SORCS2: variants seen among roughly 807,000 people sequenced by gnomAD.
SORCS2 encodes sortilin related VPS10 domain containing receptor 2, also known as VPS10 domain-containing receptor SorCS2.
A neutral mutation model predicts 141.6 loss-of-function variants in SORCS2; 100 were observed. The observed-to-expected ratio is 0.71, with a 90% confidence interval of 0.60 to 0.83. The LOEUF (loss-of-function observed/expected upper bound fraction) is 0.83, where lower values mean the gene tolerates loss of function less well. Among genes scored for constraint, SORCS2 ranks in the 40% least tolerant of loss-of-function variants. The pLI is 0.00. For synonymous variants in SORCS2, 789 were observed against 676.9 expected (o/e 1.17, Z -2.57); for missense variants, 1,646 against 1,560.2 (o/e 1.05, Z -0.93).
chr4:7,423,599 G>T (rs1442866708), intron 2 of SORCS2, among the ~76,000 whole-genome samples: 1 of 152,160 alleles, frequency 6.6e-6, no homozygotes, highest in African/African-American at 2.4e-5. Context: ...CATTTCATTT[G>T]TCCTGTCTGA....
intron 1 of SORCS2, among the ~76,000 whole-genome samples, chr4:7,277,407 G>A (rs1715573963): frequency 6.6e-6 from 1 of 152,160 alleles, no homozygotes; most frequent in African/African-American, 2.4e-5. Context: ...TGTGTGTGCA[G>A]CTTCTCCTCA....
chr4:7,736,135 C>T (rs1461201482), intron 25 of SORCS2, among the ~76,000 whole-genome samples: 4 of 152,230 alleles, frequency 2.6e-5, no homozygotes, highest in African/African-American at 7.2e-5. Flanking sequence ...CCTGTGCCCT[C>T]GGGAGCTCCC....
chr4:7,726,590 A>G (rs1347629307), intron 20 of SORCS2, among the ~76,000 whole-genome samples, 190 bp from the exon 21 acceptor site: 1 of 152,024 alleles, frequency 6.6e-6, no homozygotes, highest in African/African-American at 2.4e-5. Context: ...AAATAAAATA[A>G]AATAAAGAAC....
chr4:7,623,582 C>T (rs73794317), intron 3 of SORCS2, among the ~76,000 whole-genome samples: 1 of 152,116 alleles, frequency 6.6e-6, no homozygotes, highest in African/African-American at 2.4e-5. Context: ...GGCATCCAGT[C>T]CTGCTCCTTC....
chr4:7,453,214 C>CTG (rs1728602124), intron 2 of SORCS2, among the ~76,000 whole-genome samples: 1 of 112,574 alleles, frequency 8.9e-6, no homozygotes, highest in Admixed American at 9.6e-5. Context: ...GGGTCAGGCG[C>CTG]TGTGTTGGGG....
intron 18 of SORCS2, among the ~76,000 whole-genome samples, chr4:7,720,936 T>C (rs775061153): frequency 6.6e-6 from 1 of 152,224 alleles, no homozygotes; most frequent in Non-Finnish European, 1.5e-5. Flanking sequence ...CAGCAGTTTC[T>C]TAACGAACTC....
chr4:7,632,407 A>G (rs1719950987), intron 3 of SORCS2, among the ~76,000 whole-genome samples: 1 of 152,208 alleles, frequency 6.6e-6, no homozygotes, highest in Non-Finnish European at 1.5e-5. Context: ...TGGAGGAACC[A>G]CTGCCAGCTC....
chr4:7,528,676 A>G (rs1016362124), intron 2 of SORCS2, among the ~76,000 whole-genome samples: 4 of 152,112 alleles, frequency 2.6e-5, no homozygotes, highest in Non-Finnish European at 5.9e-5. Flanking sequence ...CAGCCTCCTG[A>G]AGTGCTGGGA....
At chr4:7,731,042 AGTG>A (rs958868912) in intron 23 of SORCS2, among the ~76,000 whole-genome samples, 5 of 152,250 alleles carry the variant, frequency 3.3e-5, no homozygotes, top group African/African-American at 1.2e-4. Flanking sequence ...AGACATGAGA[AGTG>A]AGGCTTGGCG....
chr4:7,302,449 G>A (rs907117592), intron 1 of SORCS2, among the ~76,000 whole-genome samples: 1 of 152,190 alleles, frequency 6.6e-6, no homozygotes, highest in Non-Finnish European at 1.5e-5. Context: ...CGTCTGCCCA[G>A]AACGCCCTCC....
intron 1 of SORCS2, among the ~76,000 whole-genome samples, chr4:7,256,992 C>T (rs1180995075): frequency 6.6e-6 from 1 of 152,120 alleles, no homozygotes; most frequent in African/African-American, 2.4e-5. Flanking sequence ...TTTATGGCTC[C>T]TGGGCATTCA....
At chr4:7,550,500 C>T (rs534562543) in intron 3 of SORCS2, among the ~76,000 whole-genome samples, 37 of 152,258 alleles carry the variant, frequency 2.4e-4, no homozygotes, top group African/African-American at 7.5e-4. Context: ...GGCTCACAGC[C>T]GCAGAAAGGG....
At chr4:7,570,755 C>T (rs1259198185) in intron 3 of SORCS2, among the ~76,000 whole-genome samples, 1 of 150,980 alleles carries the variant, frequency 6.6e-6, no homozygotes, top group African/African-American at 2.5e-5. Context: ...CTCCAGGAAC[C>T]CCCAGTTCTC....
chr4:7,603,696 A>G (rs1717882852), intron 3 of SORCS2, among the ~76,000 whole-genome samples: 1 of 152,158 alleles, frequency 6.6e-6, no homozygotes, highest in Non-Finnish European at 1.5e-5. Context: ...TCTTGCTTAC[A>G]GAGCCTCATT....
At chr4:7,357,152 C>T (rs910886616) in intron 1 of SORCS2, among the ~76,000 whole-genome samples, 10 of 152,146 alleles carry the variant, frequency 6.6e-5, no homozygotes, top group Non-Finnish European at 2.9e-5. Flanking sequence ...CCTCCTCCAC[C>T]CGTGACCTTG....
rs780348114 is a variant in SORCS2, at chr4:7,712,811, C to T, written c.1947C>T (p.Cys649=). ...TCCGGCCCTCATTCTCCAGGCAGTG[C>T]GGCGAGGAGGACTACAGCTCCTGGG... ...VDFRPSFSRQ[C]GEEDYSSWEL... Residue 649 remains cysteine, a synonymous_variant, in exon 15 of 27, where the codon TGC becomes TGT. Transcript: ENST00000507866. 8.7e-6 allele frequency: 14 copies of T among 1,613,818 alleles called. No homozygotes were observed. Among genetic ancestry groups the T allele is most frequent in the East Asian group, 4.5e-5 (2 of 44,884 alleles).
chr4:7,719,227 G>A (rs140873065), intron 18 of SORCS2, among the ~76,000 whole-genome samples: 1 of 152,244 alleles, frequency 6.6e-6, no homozygotes, highest in East Asian at 1.9e-4. Flanking sequence ...GGTGACAAAG[G>A]TCTTTGGAGT....
intron 8 of SORCS2, among the ~76,000 whole-genome samples, chr4:7,667,961 C>T (rs528963951): frequency 6.6e-6 from 1 of 152,368 alleles, no homozygotes; most frequent in African/African-American, 2.4e-5. Flanking sequence ...AGCCCAGCCT[C>T]ATGCCACACC....
At chr4:7,274,092 A>G (rs1715317081) in intron 1 of SORCS2, among the ~76,000 whole-genome samples, 1 of 152,132 alleles carries the variant, frequency 6.6e-6, no homozygotes, top group Non-Finnish European at 1.5e-5. Context: ...GAACTCAGCA[A>G]TGTTCCCTCC....
Sources: gnomAD v4.1 joint callset for allele counts (sites outside exome capture counted in the v4.1 genomes callset) on GRCh38, gnomAD v4.1.1 for gene constraint, MANE v1.5 for transcripts, NCBI Gene and HGNC (gene_info 2026-07-23, HGNC 2026-07-21) for gene names.